Variants in PHLDB2 observed in about 807,000 individuals in gnomAD.
PHLDB2 encodes the protein pleckstrin homology like domain family B member 2.
PHLDB2 carries 71 observed loss-of-function variants against 123.6 expected under a neutral mutation model. That is an observed-to-expected ratio of 0.57 (90% CI 0.47 to 0.70). The LOEUF is 0.70. Among genes scored for constraint, PHLDB2 ranks in the 30% least tolerant of loss-of-function variants. The pLI is 0.00. For missense variants in PHLDB2, 1,446 were observed against 1,519.5 expected (o/e 0.95, Z 0.80); for synonymous variants, 547 against 541.6 (o/e 1.01, Z -0.14).
intron 1 of PHLDB2, among the ~76,000 whole-genome samples, chr3:111,872,226 G>C (rs1484055137): frequency 1.3e-5 from 2 of 152,182 alleles, no homozygotes; most frequent in Non-Finnish European, 2.9e-5. Context: ...AGGCCTTTGG[G>C]ACTGTTTTCT....
chr3:111,785,120 G>C (rs2108139464), intron 1 of PHLDB2, among the ~76,000 whole-genome samples: 1 of 152,176 alleles, frequency 6.6e-6, no homozygotes, highest in Admixed American at 6.5e-5. Flanking sequence ...ATAGAATATT[G>C]GCTATTAATT....
At chr3:111,832,272 C>A (rs2063077053) in intron 1 of PHLDB2, among the ~76,000 whole-genome samples, 1 of 152,078 alleles carries the variant, frequency 6.6e-6, no homozygotes, top group Non-Finnish European at 1.5e-5. Flanking sequence ...TAATCAGTTT[C>A]TTTCCCCTGA....
chr3:111,867,264 T>C (rs2065134221), intron 1 of PHLDB2, among the ~76,000 whole-genome samples: 1 of 152,198 alleles, frequency 6.6e-6, no homozygotes, highest in Admixed American at 6.5e-5. Context: ...GCCAGTGATA[T>C]GACCCCAACC....
Position 111,845,838 on chromosome 3 carries a change from T to A in PHLDB2, c.-31T>A, listed in dbSNP as rs779252062. 5.0e-6 allele frequency: 8 copies of A among 1,614,112 alleles called. No homozygotes were observed. The South Asian group carries it at 8.8e-5, about 18-fold the overall frequency. On this transcript the variant is annotated 5_prime_UTR_variant, in exon 2 of 18. Transcript: ENST00000393923. ...GTGTGCAGGCTGGCACTGATCCCAG[T>A]TTATCCTTTGAGATTCAGCAGAAGA...
At chr3:111,974,365 T>C (rs2072429541) in intron 17 of PHLDB2, 58 bp from the exon 18 acceptor site, 2 of 1,455,790 alleles carry the variant, frequency 1.4e-6, no homozygotes, top group Non-Finnish European at 1.9e-6. Flanking sequence ...GTCTGTGTTA[T>C]TTAATGTTGT....
chr3:111,945,449 TAACTC>T (rs1314648347), intron 9 of PHLDB2, 92 bp downstream of exon 9: 21 of 986,904 alleles, frequency 2.1e-5, no homozygotes, highest in African/African-American at 8.2e-5. Flanking sequence ...ATAAAAATAT[TAACTC>T]AAAGGACCTG....
At chr3:111,763,701 T>C (rs2060032720) in intron 1 of PHLDB2, among the ~76,000 whole-genome samples, 1 of 152,108 alleles carries the variant, frequency 6.6e-6, no homozygotes, top group South Asian at 2.1e-4. Context: ...GGTGATTCGA[T>C]CACGAGGACA....
intron 1 of PHLDB2, among the ~76,000 whole-genome samples, chr3:111,883,430 G>A (rs1454248061): frequency 1.3e-4 from 20 of 152,084 alleles, no homozygotes; most frequent in Non-Finnish European, 1.3e-4. Flanking sequence ...ATACCATCCC[G>A]ACCATGTGTC....
At chr3:111,773,435 G>C (rs1430310045) in intron 1 of PHLDB2, among the ~76,000 whole-genome samples, 1 of 152,076 alleles carries the variant, frequency 6.6e-6, no homozygotes, top group African/African-American at 2.4e-5. Flanking sequence ...TAATAAAATC[G>C]GTGATTTGTC....
At position 111,919,157 on chromosome 3, in the gene PHLDB2, AG is replaced by A. The variant is rs992575700; in HGVS notation, c.1807del (p.Glu603AsnfsTer9). On this transcript the variant is annotated frameshift_variant, in exon 4 of 18. Coordinates refer to ENST00000431670, the MANE Select transcript of PHLDB2 (RefSeq NM_001134438.2). LOFTEE classifies it high-confidence loss of function. ...CGGATAGTCATTCTGAACAACCTCG[AG>A]GAACTTAAGCAAAAAATCAAAGACA... Reference protein sequence around the residue: ...ETRIVILNNLEELKQKIKDIN... With the variant: ...ETRIVILNNLXELKQKIKDIN... 6.2e-7 allele frequency: 1 copy of A among 1,614,126 alleles called. No homozygotes were observed. Among genetic ancestry groups the A allele is most frequent in the Non-Finnish European group, 8.5e-7 (1 of 1,179,944 alleles).
intron 8 of PHLDB2, among the ~76,000 whole-genome samples, chr3:111,942,264 T>G (rs773357436): frequency 2.0e-5 from 3 of 152,214 alleles, no homozygotes; most frequent in Non-Finnish European, 4.4e-5. Flanking sequence ...TTTTCTAAAC[T>G]GATCTATAGA....
chr3:111,837,861 G>A (rs1307458364), intron 1 of PHLDB2, among the ~76,000 whole-genome samples: 1 of 152,064 alleles, frequency 6.6e-6, no homozygotes, highest in Non-Finnish European at 1.5e-5. Flanking sequence ...TGGTCAACAT[G>A]GCAAAATCTC....
chr3:111,799,250 A>C (rs113052804), intron 1 of PHLDB2, among the ~76,000 whole-genome samples: 22 of 152,290 alleles, frequency 1.4e-4, no homozygotes, highest in African/African-American at 5.1e-4. Context: ...TATCACAAGC[A>C]TTAAGAAGCT....
At chr3:111,749,187 A>T (rs892883382) in intron 1 of PHLDB2, among the ~76,000 whole-genome samples, 1 of 152,132 alleles carries the variant, frequency 6.6e-6, no homozygotes, top group Admixed American at 6.5e-5. Context: ...GAATGTTCCA[A>T]TGTAATTAAC....
intron 1 of PHLDB2, among the ~76,000 whole-genome samples, chr3:111,861,138 G>A (rs2064817496): frequency 6.6e-6 from 1 of 152,174 alleles, no homozygotes; most frequent in Non-Finnish European, 1.5e-5. Flanking sequence ...AGAACTGTCG[G>A]ATTTGGGATA....
At chr3:111,778,718 T>C (rs758241393) in intron 1 of PHLDB2, among the ~76,000 whole-genome samples, 24 of 151,990 alleles carry the variant, frequency 1.6e-4, no homozygotes, top group Non-Finnish European at 2.9e-4. Flanking sequence ...TCAGAACATC[T>C]CTACTTTCTA....
intron 1 of PHLDB2, among the ~76,000 whole-genome samples, chr3:111,782,731 T>C (rs1265028527): frequency 6.6e-6 from 1 of 152,122 alleles, no homozygotes; most frequent in African/African-American, 2.4e-5. Context: ...GTCTTTCTTC[T>C]TAACAATAAA....
chr3:111,963,720 G>A (rs2046935), intron 13 of PHLDB2, among the ~76,000 whole-genome samples: 1 of 152,096 alleles, frequency 6.6e-6, no homozygotes. Context: ...TAGAATTTCA[G>A]CATGGAATTA....
At chr3:111,862,743 A>C (rs918029090) in intron 1 of PHLDB2, among the ~76,000 whole-genome samples, 1 of 152,162 alleles carries the variant, frequency 6.6e-6, no homozygotes, top group Non-Finnish European at 1.5e-5. Context: ...TTAGAGTCTT[A>C]ATATACCATA....
Sources: gnomAD v4.1 joint callset for allele counts (sites outside exome capture counted in the v4.1 genomes callset) on GRCh38, gnomAD v4.1.1 for gene constraint, MANE v1.5 for transcripts, NCBI Gene and HGNC (gene_info 2026-07-23, HGNC 2026-07-21) for gene names.